The following GREB1L variants were observed in gnomAD, a reference collection of about 807,000 sequenced individuals.
GREB1L encodes GREB1-like protein.
In GREB1L, 17 loss-of-function variants were observed where a neutral mutation model predicts 200.8. The observed-to-expected ratio is 0.08, with a 90% CI of 0.06 to 0.13. GREB1L has a LOEUF of 0.13. GREB1L is among the 10% of genes least tolerant of loss of function. The pLI is 1.00. For missense variants in GREB1L, 1,657 were observed against 2,367.7 expected, an observed-to-expected ratio of 0.70 and a Z score of 6.23; for synonymous variants, 789 against 893.0, an observed-to-expected ratio of 0.88 and a Z score of 2.08.
At chr18:21,272,146 T>C (rs2038089079) in intron 1 of GREB1L, among the ~76,000 whole-genome samples, 2 of 152,338 alleles carry the variant, frequency 1.3e-5, no homozygotes, top group African/African-American at 2.4e-5. Context: ...ACTGGCTTAA[T>C]TACTTGCTCA....
rs528918915 is a variant in GREB1L at position 21,285,578 on chromosome 18, A to G, written c.-120+43185A>G. The stretch of plus-strand genomic sequence containing the variant: ...TCTAGGTACAAAGATCCCTGGGAAT[A>G]TAATTGTTGTTAGAACAAATCAACC... On this transcript the variant is annotated intron_variant, in intron 1 of 32. Coordinates refer to ENST00000424526, the MANE Select transcript of GREB1L (RefSeq NM_001142966.3). Among the ~76,000 whole-genome samples, 116 of 152,330 alleles carry G rather than the reference A, an allele frequency of 7.6e-4. 1 individual carries two copies. The South Asian group carries it at 0.023, about 31-fold the overall frequency.
chr18:21,408,419 A>T (rs1282863494), intron 7 of GREB1L, among the ~76,000 whole-genome samples: 2 of 152,208 alleles, frequency 1.3e-5, no homozygotes, highest in African/African-American at 2.4e-5. Context: ...TGGAATAGAC[A>T]TTTCTTCAAA....
intron 15 of GREB1L, among the ~76,000 whole-genome samples, chr18:21,459,699 T>A (rs896254767): frequency 6.6e-6 from 1 of 152,168 alleles, no homozygotes; most frequent in Admixed American, 6.5e-5. Flanking sequence ...ATTTTTTTGG[T>A]CTCACCAACC....
chr18:21,429,184 C>G (rs1449279868), intron 7 of GREB1L, among the ~76,000 whole-genome samples: 1 of 81,546 alleles, frequency 1.2e-5, no homozygotes, highest in Non-Finnish European at 2.5e-5. Flanking sequence ...CTTCCTTCCC[C>G]TCCCTTCCCC....
At chr18:21,369,948 C>CAAAAAAAAAAAAAAAAAAAA (rs201252099) in intron 2 of GREB1L, among the ~76,000 whole-genome samples, 1 of 87,902 alleles carries the variant, frequency 1.1e-5, no homozygotes. Context: ...GACTCCATCT[C>CAAAAAAAAAAAAAAAAAAAA]AAAAAAAAAA....
chr18:21,462,624 A>G (rs1384184072), intron 15 of GREB1L, among the ~76,000 whole-genome samples: 1 of 151,958 alleles, frequency 6.6e-6, no homozygotes, highest in Non-Finnish European at 1.5e-5. Context: ...TAATTTTTGT[A>G]TTTTTGGTAG....
chr18:21,521,199 A>T (rs975722651), intron 32 of GREB1L, among the ~76,000 whole-genome samples: 1 of 151,984 alleles, frequency 6.6e-6, no homozygotes, highest in African/African-American at 2.4e-5. Flanking sequence ...TCCGTCTCAA[A>T]AAAAAAGTAA....
intron 2 of GREB1L, among the ~76,000 whole-genome samples, chr18:21,369,084 AATT>A (rs1002235233): frequency 2.0e-5 from 3 of 152,150 alleles, no homozygotes; most frequent in African/African-American, 7.2e-5. Context: ...AAATTTGGAA[AATT>A]ATTATAGTAT....
intron 4 of GREB1L, among the ~76,000 whole-genome samples, chr18:21,393,073 C>T (rs1567973917): frequency 6.6e-6 from 1 of 152,096 alleles, no homozygotes; most frequent in Admixed American, 6.6e-5. Flanking sequence ...CACCTCGCCT[C>T]ATCCAATGTT....
intron 1 of GREB1L, among the ~76,000 whole-genome samples, chr18:21,345,205 A>G (rs1335283931): frequency 2.0e-5 from 3 of 152,190 alleles, no homozygotes; most frequent in Admixed American, 2.0e-4. Flanking sequence ...GTTGTTTCAC[A>G]GCCATTTCGA....
intron 1 of GREB1L, among the ~76,000 whole-genome samples, chr18:21,318,189 A>G (rs1462661038): frequency 6.6e-6 from 1 of 152,040 alleles, no homozygotes; most frequent in Non-Finnish European, 1.5e-5. Context: ...GAGTTCAATG[A>G]GATGCTGCTG....
At chr18:21,483,545 A>G (rs752758275) in intron 17 of GREB1L, among the ~76,000 whole-genome samples, 6 of 152,132 alleles carry the variant, frequency 3.9e-5, no homozygotes, top group Non-Finnish European at 8.8e-5. Context: ...AAGCCTGTTT[A>G]CCCTCAAACC....
At chr18:21,377,693 G>A (rs1275304895) in intron 2 of GREB1L, among the ~76,000 whole-genome samples, 1 of 151,952 alleles carries the variant, frequency 6.6e-6, no homozygotes, top group Non-Finnish European at 1.5e-5. Flanking sequence ...AAGTGAGACT[G>A]TGTCTCAAAA....
At chr18:21,307,173 C>T (rs898730739) in intron 1 of GREB1L, among the ~76,000 whole-genome samples, 1 of 152,176 alleles carries the variant, frequency 6.6e-6, no homozygotes, top group Non-Finnish European at 1.5e-5. Flanking sequence ...AGTTTTGAGC[C>T]CCTTTCCTTC....
At chr18:21,255,407 G>A (rs2037785946) in intron 1 of GREB1L, among the ~76,000 whole-genome samples, 1 of 152,174 alleles carries the variant, frequency 6.6e-6, no homozygotes, top group South Asian at 2.1e-4. Context: ...TGAAGGAACG[G>A]AACATTTCCA....
At chr18:21,344,177 G>A (rs1343877946) in intron 1 of GREB1L, among the ~76,000 whole-genome samples, 13 of 152,152 alleles carry the variant, frequency 8.5e-5, no homozygotes, top group African/African-American at 3.1e-4. Flanking sequence ...CAAGGCGGGC[G>A]GATCACGAGG....
chr18:21,478,407 C>T (rs1311106554), intron 17 of GREB1L, among the ~76,000 whole-genome samples: 2 of 152,140 alleles, frequency 1.3e-5, no homozygotes, highest in Non-Finnish European at 2.9e-5. Flanking sequence ...CAATGGATCC[C>T]TCATTTAAAA....
chr18:21,453,414 A>C (rs1407222767), intron 14 of GREB1L, among the ~76,000 whole-genome samples: 1 of 152,190 alleles, frequency 6.6e-6, no homozygotes, highest in Non-Finnish European at 1.5e-5. Flanking sequence ...AGAAAACATT[A>C]ATTAGCACAG....
At chr18:21,458,249 G>A (rs1397367842) in intron 15 of GREB1L, among the ~76,000 whole-genome samples, 1 of 152,096 alleles carries the variant, frequency 6.6e-6, no homozygotes, top group African/African-American at 2.4e-5. Context: ...GGGATTACAG[G>A]TGTGAGCCAC....
Sources: allele counts gnomAD v4.1 joint callset (sites outside exome capture counted in the v4.1 genomes callset), GRCh38; gene constraint gnomAD v4.1.1; transcripts MANE v1.5; gene names NCBI Gene and HGNC (gene_info 2026-07-23, HGNC 2026-07-21).